Variants in NAALADL2 observed in about 807,000 individuals in gnomAD.
NAALADL2 encodes the protein N-acetylated alpha-linked acidic dipeptidase like 2, also known as inactive N-acetylated-alpha-linked acidic dipeptidase-like protein 2.
Under a neutral mutation model 87.2 loss-of-function variants are expected in NAALADL2, and 76 were observed. That is an observed-to-expected ratio of 0.87 (90% CI 0.72 to 1.05). The LOEUF is 1.05. NAALADL2 is among the 50% of genes least tolerant of loss of function. The pLI is 0.00. For missense variants in NAALADL2, 1,089 were observed against 945.8 expected (o/e 1.15, Z -1.99); for synonymous variants, 354 against 331.0 (o/e 1.07, Z -0.75).
At chr3:175,187,140 ACTGACAG>A (rs1373489225) in intron 2 of NAALADL2, among the ~76,000 whole-genome samples, 1 of 152,200 alleles carries the variant, frequency 6.6e-6, no homozygotes, top group Non-Finnish European at 1.5e-5. Flanking sequence ...CCTACATTTT[ACTGACAG>A]CTGTTCATTC....
At chr3:175,139,244 C>G (rs1259552906) in intron 2 of NAALADL2, among the ~76,000 whole-genome samples, 1 of 151,454 alleles carries the variant, frequency 6.6e-6, no homozygotes, top group African/African-American at 2.4e-5. Context: ...CTTCTCTTTC[C>G]CTTTTAAATA....
intron 11 of NAALADL2, chr3:175,676,757 T>A (rs1210455780): frequency 2.0e-5 from 3 of 152,168 alleles, no homozygotes; most frequent in African/African-American, 7.2e-5. Flanking sequence ...GACTTCCTTT[T>A]AATCAAGGTA....
At chr3:175,281,151 T>A (rs1754258152) in intron 4 of NAALADL2, among the ~76,000 whole-genome samples, 1 of 151,062 alleles carries the variant, frequency 6.6e-6, no homozygotes, top group Non-Finnish European at 1.5e-5. Flanking sequence ...TTGGTAATTG[T>A]CACTTATTTA....
rs1049796121 is a variant in NAALADL2 at position 175,659,216 on chromosome 3, A to G, written c.1896+31830A>G. ...TAGTGTTATGTATTTATTGATGTTT[A>G]TTACCTAAGCCTTTAATATTGTTAC... On this transcript the variant is annotated intron_variant, in intron 11 of 13. Coordinates refer to ENST00000454872, the MANE Select transcript of NAALADL2 (RefSeq NM_207015.3). 2.6e-5 allele frequency among the ~76,000 whole-genome samples: 4 copies of G among 152,330 alleles called. No homozygotes were observed. In the East Asian group the frequency reaches 7.7e-4, roughly 29 times the overall value.
chr3:175,489,880 T>C (rs1727806028), intron 9 of NAALADL2, among the ~76,000 whole-genome samples: 1 of 152,188 alleles, frequency 6.6e-6, no homozygotes, highest in South Asian at 2.1e-4. Context: ...AGTCTCTACA[T>C]TAGTATATGA....
chr3:174,444,011 T>TGAGA (rs1714860521), intron 1 of NAALADL2, among the ~76,000 whole-genome samples: 4 of 144,750 alleles, frequency 2.8e-5, no homozygotes, highest in Admixed American at 1.4e-4. Flanking sequence ...AATATTTTTA[T>TGAGA]TGAAAAGGGA....
At chr3:175,770,892 A>C (rs1749396398) in intron 13 of NAALADL2, among the ~76,000 whole-genome samples, 1 of 152,146 alleles carries the variant, frequency 6.6e-6, no homozygotes, top group South Asian at 2.1e-4. Flanking sequence ...TGTGTTTCCA[A>C]TTTCTCTTTT....
At chr3:175,125,202 T>C (rs1726763953) in intron 2 of NAALADL2, among the ~76,000 whole-genome samples, 1 of 152,070 alleles carries the variant, frequency 6.6e-6, no homozygotes, top group African/African-American at 2.4e-5. Context: ...ATTAAATGGA[T>C]GGTTTAATTT....
intron 1 of NAALADL2, among the ~76,000 whole-genome samples, chr3:175,012,333 AT>A (rs61108188): frequency 0.16 from 24,117 of 151,360 alleles, 2,111 homozygotes; most frequent in East Asian, 0.3. Context: ...CCTGGCTAAT[AT>A]TTTTTTTATT....
intron 1 of NAALADL2, among the ~76,000 whole-genome samples, chr3:174,455,339 C>CA (rs1229952882): frequency 6.6e-6 from 1 of 152,084 alleles, no homozygotes; most frequent in Non-Finnish European, 1.5e-5. Flanking sequence ...GAGACTCTTA[C>CA]AAAAAACTGA....
At chr3:174,837,315 C>A (rs777272326) in intron 3 of NAALADL2, among the ~76,000 whole-genome samples, 5 of 152,176 alleles carry the variant, frequency 3.3e-5, no homozygotes, top group Non-Finnish European at 5.9e-5. Context: ...GTAGAGATTA[C>A]AACTGACACC....
chr3:175,544,098 C>T (rs1157888666), intron 9 of NAALADL2, among the ~76,000 whole-genome samples: 1 of 152,010 alleles, frequency 6.6e-6, no homozygotes, highest in Admixed American at 6.6e-5. Context: ...GGATAAAGTT[C>T]AACAGTGTCA....
intron 4 of NAALADL2, among the ~76,000 whole-genome samples, chr3:175,259,150 T>C (rs549556871): frequency 1.9e-4 from 29 of 152,258 alleles, no homozygotes; most frequent in Admixed American, 1.3e-3. Context: ...GGAGCTTCCA[T>C]AGGACAAGCA....
rs746654706 is a variant in NAALADL2 at position 175,576,040 on chromosome 3, G to C, written c.1654-1G>C. ...TTAACAATTTAAATTATGTTTTTCA[G>C]AAAAATAATTTCAACTGTACCAGAA... On this transcript the variant is annotated splice_acceptor_variant, in intron 9 of 13. Coordinates refer to ENST00000454872, the MANE Select transcript of NAALADL2 (RefSeq NM_207015.3). LOFTEE classifies it high-confidence loss of function. The C allele has an allele frequency of 2.6e-5, 42 of 1,609,246 alleles. No homozygotes were observed. Among genetic ancestry groups the C allele is most frequent in the Non-Finnish European group, 2.0e-5 (23 of 1,178,184 alleles).
intron 10 of NAALADL2, among the ~76,000 whole-genome samples, chr3:175,604,949 A>G (rs773950021): frequency 1.3e-5 from 2 of 152,216 alleles, no homozygotes; most frequent in African/African-American, 4.8e-5. Flanking sequence ...CATGAGTCCT[A>G]TAACTCTGGA....
intron 13 of NAALADL2, among the ~76,000 whole-genome samples, chr3:175,763,255 T>TG (rs1475280041): frequency 1.3e-5 from 2 of 152,178 alleles, no homozygotes; most frequent in African/African-American, 2.4e-5. Flanking sequence ...CATGGTCTTC[T>TG]GGGGCATATT....
intron 5 of NAALADL2, among the ~76,000 whole-genome samples, chr3:175,418,230 A>G (rs1715017041): frequency 6.6e-6 from 1 of 152,194 alleles, no homozygotes; most frequent in South Asian, 2.1e-4. Flanking sequence ...TCTGTCTGCT[A>G]AATAGCAGAC....
intron 1 of NAALADL2, among the ~76,000 whole-genome samples, chr3:175,076,913 T>TC (rs1206550405): frequency 1.3e-5 from 2 of 152,212 alleles, no homozygotes; most frequent in Non-Finnish European, 2.9e-5. Flanking sequence ...TTGTAGTTTT[T>TC]CAGTATCAAA....
intron 2 of NAALADL2, among the ~76,000 whole-genome samples, chr3:174,700,813 C>T (rs1293588537): frequency 6.6e-6 from 1 of 152,082 alleles, no homozygotes; most frequent in Non-Finnish European, 1.5e-5. Context: ...GTATAACTGA[C>T]TATTTGGATT....
Sources: gnomAD v4.1 joint callset for allele counts (sites outside exome capture counted in the v4.1 genomes callset) on GRCh38, gnomAD v4.1.1 for gene constraint, MANE v1.5 for transcripts, NCBI Gene and HGNC (gene_info 2026-07-23, HGNC 2026-07-21) for gene names.